Variants in HACD3 observed in about 807,000 individuals in gnomAD.
HACD3 encodes very-long-chain (3R)-3-hydroxyacyl-CoA dehydratase 3.
HACD3 carries 30 observed loss-of-function variants against 55.2 expected under a neutral mutation model. The observed-to-expected ratio is 0.54, with a 90% CI of 0.41 to 0.74. The LOEUF is 0.74. HACD3 is among the 30% of genes least tolerant of loss of function. The probability of loss-of-function intolerance (pLI) is 0.00; values close to 1 mark genes in which losing one functional copy is unlikely to be tolerated. For missense variants in HACD3, 363 were observed against 440.1 expected, an observed-to-expected ratio of 0.82 and a Z score of 1.57; for synonymous variants, 141 against 151.7, an observed-to-expected ratio of 0.93 and a Z score of 0.52.
At position 65,546,871 on chromosome 15, in the gene HACD3, A is replaced by G. The variant is rs933893111; in HGVS notation, c.88-4805A>G. On this transcript the variant is annotated intron_variant, in intron 1 of 10. Transcript: ENST00000261875. ...CCAGTGTGCTCAGTGATTTGCTCGA[A>G]GGATTCATGGGACTTAGTATATAAT... Among the ~76,000 whole-genome samples, 5 of 152,334 alleles carry G rather than the reference A, an allele frequency of 3.3e-5. No homozygotes were observed. The South Asian group carries it at 8.3e-4, about 25-fold the overall frequency.
intron 1 of HACD3, chr15:65,531,311 G>C (rs2071896378): frequency 6.6e-6 from 1 of 152,290 alleles, no homozygotes; most frequent in Admixed American, 6.5e-5. Context: ...GCTGGAGGAA[G>C]TGATTTCCCC....
rs901767383 is a variant in HACD3, at chr15:65,537,853, A to G, written c.87+7135A>G. Among the ~76,000 whole-genome samples the G allele has an allele frequency of 1.1e-4, 16 of 145,292 alleles. 1 individual carries two copies. Among genetic ancestry groups the G allele is most frequent in the African/African-American group, 3.8e-4 (15 of 39,930 alleles). ...TCTGCCTATGCTCTGTAAGTGGAAC[A>G]ACGACTCCTGGATGATAGCACATTT... is the stretch of plus-strand genomic sequence containing the variant. On this transcript the variant is annotated intron_variant, in intron 1 of 10. Coordinates refer to ENST00000261875, the MANE Select transcript of HACD3 (RefSeq NM_016395.4).
chr15:65,542,893 G>T (rs1487981491), intron 1 of HACD3, among the ~76,000 whole-genome samples: 1 of 151,938 alleles, frequency 6.6e-6, no homozygotes, highest in East Asian at 1.9e-4. Context: ...GGCCAACATG[G>T]GGAAACCCTG....
Position 65,535,698 on chromosome 15 carries a change from CTTTTT to C in HACD3, c.87+4991_87+4995del. 2.9e-5 allele frequency: 12 copies of C among 416,600 alleles called. No individual in the cohort carries two copies. The South Asian group carries it at 3.1e-4, about 11-fold the overall frequency. The allele number at this position is 416,600 out of a possible 1,614,324, so 25.8% of individuals were successfully genotyped here. On this transcript the variant is annotated intron_variant, in intron 1 of 10. Coordinates refer to ENST00000261875, the MANE Select transcript of HACD3 (RefSeq NM_016395.4). ...TGTGATCAGTGATCTTTGATGTTAA[CTTTTT>C]TTTTTTTTTTGAGGCAGGGTCTCAC...
chr15:65,530,774 C>T, intron 1 of HACD3, 56 bp downstream of exon 1: 1 of 1,470,232 alleles, frequency 6.8e-7, no homozygotes, highest in African/African-American at 1.4e-5. Flanking sequence ...CGGGTACCCG[C>T]CAGGACCCCT....
chr15:65,540,041 A>G (rs1359804841), intron 1 of HACD3, among the ~76,000 whole-genome samples: 1 of 152,214 alleles, frequency 6.6e-6, no homozygotes, highest in African/African-American at 2.4e-5. Flanking sequence ...TGTATAATGT[A>G]TCTGTTTCTG....
chr15:65,552,583 A>G (rs1292275080), intron 2 of HACD3, among the ~76,000 whole-genome samples: 1 of 151,280 alleles, frequency 6.6e-6, no homozygotes, highest in Non-Finnish European at 1.5e-5. Context: ...TGATCTGCCC[A>G]CCTCGGCCTC....
chr15:65,567,739 G>A (rs2072306399), intron 7 of HACD3, among the ~76,000 whole-genome samples: 1 of 152,118 alleles, frequency 6.6e-6, no homozygotes, highest in Non-Finnish European at 1.5e-5. Context: ...TCTCTCGTAT[G>A]CTACAATGTG....
chr15:65,575,163 TG>T (rs2072388480), intron 10 of HACD3, among the ~76,000 whole-genome samples: 1 of 152,084 alleles, frequency 6.6e-6, no homozygotes, highest in African/African-American at 2.4e-5. Context: ...AGTTAACATT[TG>T]TATATAGGTC....
chr15:65,563,558 C>T (rs895103229), intron 6 of HACD3, among the ~76,000 whole-genome samples: 13 of 152,116 alleles, frequency 8.5e-5, no homozygotes, highest in African/African-American at 2.9e-4. Flanking sequence ...AATCCCAGCA[C>T]TTTAACAGGC....
intron 1 of HACD3, among the ~76,000 whole-genome samples, chr15:65,534,046 G>A (rs1286440295): frequency 1.5e-5 from 1 of 67,794 alleles, no homozygotes; most frequent in Non-Finnish European, 3.1e-5. Context: ...GCGAGACTCC[G>A]TCTCAAAAAA....
chr15:65,530,568 G>C lies in HACD3; in HGVS notation c.-64G>C. The C allele has an allele frequency of 6.9e-7, 1 of 1,448,538 alleles. No individual in the cohort carries two copies. Among genetic ancestry groups the C allele is most frequent in the Non-Finnish European group, 9.4e-7 (1 of 1,062,044 alleles). 89.7% of individuals were successfully genotyped at this position (1,448,538 alleles called of 1,614,324 possible). A position where few individuals can be genotyped will look rare whatever the true frequency, so the allele number is the denominator to read the frequency against. On this transcript the variant is annotated 5_prime_UTR_variant, in exon 1 of 11. Transcript: ENST00000261875. The stretch of plus-strand genomic sequence containing the variant: ...GGCCTGCTTTCTGCTCGCGCCAGCA[G>C]AGCACTACCTGAGGCAGCGAGGCGC...
chr15:65,572,179 G>T, intron 9 of HACD3, 56 bp from the exon 10 acceptor site: 5 of 1,597,420 alleles, frequency 3.1e-6, no homozygotes, highest in Non-Finnish European at 4.3e-6. Context: ...GGAAGTTCCT[G>T]TCATTAAATG....
At chr15:65,533,823 G>A (rs552922292) in intron 1 of HACD3, among the ~76,000 whole-genome samples, 5 of 151,696 alleles carry the variant, frequency 3.3e-5, no homozygotes, top group Non-Finnish European at 7.4e-5. Flanking sequence ...AGGCCGAGAC[G>A]GGCGGATCAT....
chr15:65,570,215 T>C lies in HACD3; in HGVS notation c.773+12T>C, dbSNP rs1438767114. The C allele has an allele frequency of 1.9e-6, 3 of 1,558,894 alleles. No individual in the cohort carries two copies. In the East Asian group the frequency reaches 6.7e-5, roughly 35 times the overall value. On this transcript the variant is annotated intron_variant, in intron 8 of 10. Transcript: ENST00000261875. ...ATTGAAATTTTCAGGTGGGTAGAAA[T>C]GCCAGGATGGTGTTTGAATGCTGCT...
At chr15:65,572,125 C>G in intron 9 of HACD3, 110 bp from the exon 10 acceptor site, 5 of 1,402,380 alleles carry the variant, frequency 3.6e-6, no homozygotes, top group Non-Finnish European at 4.9e-6. Flanking sequence ...GAGGAGAAAG[C>G]CTTTCCAGCA....
chr15:65,553,302 G>C (rs1292817800), intron 2 of HACD3: 1 of 151,572 alleles, frequency 6.6e-6, no homozygotes, highest in African/African-American at 2.4e-5. Context: ...TAGATTAGCA[G>C]ACCAGTTTGA....
At position 65,577,918 on chromosome 15, in the gene HACD3, T is replaced by C. The variant is rs377653905; in HGVS notation, c.*1539T>C. On this transcript the variant is annotated 3_prime_UTR_variant, in exon 11 of 11. Coordinates refer to ENST00000261875, the MANE Select transcript of HACD3 (RefSeq NM_016395.4). ...TCAGTTTCCTCTCATACATTCCAAG[T>C]AAACCAAGTAAAATAAGTGTTGGAG... The C allele has an allele frequency of 2.2e-4, 33 of 152,774 alleles. No individual in the cohort carries two copies. Among genetic ancestry groups the C allele is most frequent in the African/African-American group, 7.9e-4 (33 of 41,580 alleles). 9.5% of individuals were successfully genotyped at this position (152,774 alleles called of 1,614,324 possible). A position where few individuals can be genotyped will look rare whatever the true frequency, so the allele number is the denominator to read the frequency against.
intron 1 of HACD3, among the ~76,000 whole-genome samples, chr15:65,543,633 C>T (rs1052937503): frequency 2.0e-5 from 3 of 152,112 alleles, no homozygotes; most frequent in African/African-American, 7.2e-5. Context: ...ATTGACTATA[C>T]CTCAGTGTAC....
Sources: allele counts gnomAD v4.1 joint callset (sites outside exome capture counted in the v4.1 genomes callset), GRCh38; gene constraint gnomAD v4.1.1; transcripts MANE v1.5; gene names NCBI Gene and HGNC (gene_info 2026-07-23, HGNC 2026-07-21).